CRACR2A: variants seen among roughly 807,000 people sequenced by gnomAD.
CRACR2A encodes the protein EF-hand calcium-binding domain-containing protein 4B.
Under a neutral mutation model 90.5 loss-of-function variants are expected in CRACR2A, and 79 were observed. That is an observed-to-expected ratio of 0.87 (90% confidence interval 0.73 to 1.05). CRACR2A has a LOEUF of 1.05. Ranked by LOEUF, CRACR2A falls within the 50% of genes least tolerant of loss-of-function variation. CRACR2A has a pLI of 0.00. For synonymous variants in CRACR2A, 338 were observed against 356.7 expected (o/e 0.95, Z 0.59); for missense variants, 823 against 897.2 (o/e 0.92, Z 1.06).
rs1056699405 is a variant in CRACR2A at position 3,711,065 on chromosome 12, T to A, written c.-37+2172A>T. Among the ~76,000 whole-genome samples the A allele has an allele frequency of 2.6e-5, 4 of 152,198 alleles. No homozygotes were observed. Among genetic ancestry groups the A allele is most frequent in the African/African-American group, 9.7e-5 (4 of 41,446 alleles). ...TCAAAAGTCTCAACTCGTTCTAGCATAAACTCAAAGGCAGAAAGTCCAAAA... is the reference window on the plus strand; with the variant it reads ...TCAAAAGTCTCAACTCGTTCTAGCAAAAACTCAAAGGCAGAAAGTCCAAAA... On this transcript the variant is annotated intron_variant, in intron 3 of 19. Transcript: ENST00000440314. The surrounding 1 kb of genome is among the most constrained non-coding windows in gnomAD (Gnocchi z 4.3).
chr12:3,738,295 A>G (rs1187260567), intron 1 of CRACR2A, among the ~76,000 whole-genome samples: 2 of 152,182 alleles, frequency 1.3e-5, no homozygotes, highest in Non-Finnish European at 2.9e-5. Flanking sequence ...ACAAGAAAGG[A>G]AGGAATTCAC....
chr12:3,735,354 C>T (rs1946434627), intron 1 of CRACR2A, among the ~76,000 whole-genome samples: 2 of 152,042 alleles, frequency 1.3e-5, no homozygotes, highest in Admixed American at 6.5e-5. Context: ...GGAGACCTGG[C>T]GCTGGGAGAG....
intron 1 of CRACR2A, among the ~76,000 whole-genome samples, chr12:3,750,463 C>T (rs1308020184): frequency 2.0e-5 from 3 of 152,158 alleles, no homozygotes; most frequent in African/African-American, 4.8e-5. Context: ...TGTAAGAGGC[C>T]GTGGACCTGC....
chr12:3,616,244 A>T (rs541571638), intron 19 of CRACR2A, among the ~76,000 whole-genome samples: 1 of 152,364 alleles, frequency 6.6e-6, no homozygotes, highest in African/African-American at 2.4e-5. Flanking sequence ...TCAAAGAAAA[A>T]TATTTTTAAG....
chr12:3,639,476 A>ACACACACACACACACACACACACG (rs1408970383), intron 13 of CRACR2A, among the ~76,000 whole-genome samples: 17 of 151,986 alleles, frequency 1.1e-4, no homozygotes, highest in Admixed American at 2.0e-4. Context: ...ACACACACAC[A>ACACACACACACACACACACACACG]CGCATGCAAG....
chr12:3,727,178 T>G (rs1946283674), intron 2 of CRACR2A: 1 of 148,024 alleles, frequency 6.8e-6, no homozygotes, highest in Admixed American at 6.8e-5. Context: ...AAAAAAGCTT[T>G]TAAAATGACA....
rs17780600 is a variant in CRACR2A at position 3,680,441 on chromosome 12, T to A, written c.229-92A>T. 8.2e-6 allele frequency: 9 copies of A among 1,093,140 alleles called. 1 individual carries two copies. The Admixed American group carries it at 1.4e-4, about 16-fold the overall frequency. The allele number at this position is 1,093,140 out of a possible 1,614,324, so 67.7% of individuals were successfully genotyped here. Reference sequence around the variant, plus strand: ...GCAGAGCCTTCTGCCAGAAAGTGTCTAGAGTTCGGCCCAGTCCTACAAAAG... The same window carrying A: ...GCAGAGCCTTCTGCCAGAAAGTGTCAAGAGTTCGGCCCAGTCCTACAAAAG... On this transcript the variant is annotated intron_variant, in intron 4 of 19. Coordinates refer to ENST00000440314, the MANE Select transcript of CRACR2A (RefSeq NM_001144958.2).
At chr12:3,625,485 C>G (rs1944238997) in intron 17 of CRACR2A, among the ~76,000 whole-genome samples, 1 of 151,292 alleles carries the variant, frequency 6.6e-6, no homozygotes, top group African/African-American at 2.4e-5. Flanking sequence ...AATCCCAGAC[C>G]ACCTGGAGGC....
intron 1 of CRACR2A, among the ~76,000 whole-genome samples, chr12:3,742,542 G>A (rs1946544523): frequency 6.6e-6 from 1 of 152,182 alleles, no homozygotes; most frequent in South Asian, 2.1e-4. Context: ...CTGGCTCCCT[G>A]CTGGGAGAAA....
At chr12:3,629,753 C>T (rs1055264337) in intron 15 of CRACR2A, among the ~76,000 whole-genome samples, 6 of 150,366 alleles carry the variant, frequency 4.0e-5, no homozygotes, top group Admixed American at 2.7e-4. Context: ...GCTGGACACG[C>T]GACGTGTTTC....
At chr12:3,661,460 G>A (rs1463240188) in intron 7 of CRACR2A, among the ~76,000 whole-genome samples, 4 of 152,206 alleles carry the variant, frequency 2.6e-5, no homozygotes, top group Admixed American at 1.3e-4. Flanking sequence ...CTGGGACCCC[G>A]TCTTCATGGA....
At chr12:3,691,712 T>C (rs1456261498) in intron 4 of CRACR2A, among the ~76,000 whole-genome samples, 1 of 152,250 alleles carries the variant, frequency 6.6e-6, no homozygotes, top group African/African-American at 2.4e-5. Flanking sequence ...GTTGGGGAAG[T>C]TCTCATGGAT....
chr12:3,660,544 T>C (rs567910080), intron 7 of CRACR2A, among the ~76,000 whole-genome samples: 2 of 152,172 alleles, frequency 1.3e-5, no homozygotes, highest in African/African-American at 4.8e-5. Context: ...TCCCCACGGA[T>C]GACCCTTTTC....
intron 12 of CRACR2A, among the ~76,000 whole-genome samples, chr12:3,643,606 A>ACCAT (rs1290494621): frequency 2.0e-5 from 3 of 150,576 alleles, no homozygotes; most frequent in African/African-American, 7.3e-5. Flanking sequence ...ATGAGTAAGA[A>ACCAT]CATGGAATCC....
chr12:3,635,427 A>T (rs912652880), intron 14 of CRACR2A, among the ~76,000 whole-genome samples: 1 of 152,234 alleles, frequency 6.6e-6, no homozygotes, highest in African/African-American at 2.4e-5. Context: ...TTTTAAAATT[A>T]GGAAATACAC....
At chr12:3,698,181 T>C (rs1216475205) in intron 3 of CRACR2A, among the ~76,000 whole-genome samples, 2 of 151,606 alleles carry the variant, frequency 1.3e-5, no homozygotes, top group Non-Finnish European at 2.9e-5. Flanking sequence ...CATCCTTGGA[T>C]TTTTTTTTCC....
chr12:3,681,007 T>G (rs1945438428), intron 4 of CRACR2A, among the ~76,000 whole-genome samples: 1 of 152,238 alleles, frequency 6.6e-6, no homozygotes, highest in African/African-American at 2.4e-5. Context: ...TCAAACCCTG[T>G]CTTCCCTGCT....
At chr12:3,664,456 A>AT (rs968832773) in intron 7 of CRACR2A, among the ~76,000 whole-genome samples, 7 of 151,486 alleles carry the variant, frequency 4.6e-5, no homozygotes, top group Non-Finnish European at 8.8e-5. Context: ...AGTTTTCTTT[A>AT]TTTTTTCTAA....
rs1474067666 is a variant in CRACR2A at position 3,746,745 on chromosome 12, C to A, written c.-387+6270G>T. 6.6e-6 allele frequency among the ~76,000 whole-genome samples: 1 copy of A among 152,230 alleles called. No individual in the cohort carries two copies. The highest frequency in any genetic ancestry group is 1.5e-5 in the Non-Finnish European group (1 of 68,046). Reference sequence around the variant, plus strand: ...GCATGGAAGCTAATTAGGTGAGAGACTCTGCTTCTGCCTCCTGGAGAATTT... The same window carrying A: ...GCATGGAAGCTAATTAGGTGAGAGAATCTGCTTCTGCCTCCTGGAGAATTT... On this transcript the variant is annotated intron_variant, in intron 1 of 19. Coordinates refer to ENST00000440314, the MANE Select transcript of CRACR2A (RefSeq NM_001144958.2). This position sits in a 1 kb window ranked among gnomAD's most constrained non-coding sequence, Gnocchi z 4.4.
Sources: allele counts gnomAD v4.1 joint callset (sites outside exome capture counted in the v4.1 genomes callset), GRCh38; gene constraint gnomAD v4.1.1; non-coding constraint Gnocchi (gnomAD v3.1); transcripts MANE v1.5; gene names NCBI Gene and HGNC (gene_info 2026-07-23, HGNC 2026-07-21).